The following RAB27A variants were observed in gnomAD, a reference collection of about 807,000 sequenced individuals.
RAB27A encodes the protein ras-related protein Rab-27A.
Under a neutral mutation model 20.8 loss-of-function variants are expected in RAB27A, and 17 were observed. That is an observed-to-expected ratio of 0.82 (90% confidence interval 0.56 to 1.23). The LOEUF is 1.23. Ranked by LOEUF, RAB27A falls within the 50% of genes most tolerant of loss-of-function variation. RAB27A has a pLI of 0.00. For synonymous variants in RAB27A, 85 were observed against 92.8 expected (o/e 0.92, Z 0.48); for missense variants, 277 against 266.7 (o/e 1.04, Z -0.27).
chr15:55,255,763 T>C (rs1897055449), intron 2 of RAB27A, among the ~76,000 whole-genome samples: 1 of 152,096 alleles, frequency 6.6e-6, no homozygotes, highest in Non-Finnish European at 1.5e-5. Context: ...TTCAAGAAGT[T>C]GGTAATTAGG....
At chr15:55,310,682 C>G (rs2055016458) in intron 2 of RAB27A, among the ~76,000 whole-genome samples, 1 of 152,146 alleles carries the variant, frequency 6.6e-6, no homozygotes, top group Non-Finnish European at 1.5e-5. Flanking sequence ...CCCATTCCAC[C>G]TGCTCCTCCT....
At chr15:55,315,407 C>T (rs2055038528) in intron 1 of RAB27A, among the ~76,000 whole-genome samples, 2 of 152,144 alleles carry the variant, frequency 1.3e-5, no homozygotes, top group Non-Finnish European at 2.9e-5. Flanking sequence ...CCAAAATCGA[C>T]AAATGGGATC....
intron 2 of RAB27A, among the ~76,000 whole-genome samples, chr15:55,296,315 G>A (rs1407516339): frequency 6.6e-6 from 1 of 151,642 alleles, no homozygotes; most frequent in African/African-American, 2.4e-5. Flanking sequence ...GGCCAACAGG[G>A]TGAAAACCCG....
chr15:55,295,506 T>G (rs1298664375), intron 2 of RAB27A, among the ~76,000 whole-genome samples: 2 of 152,216 alleles, frequency 1.3e-5, no homozygotes, highest in Non-Finnish European at 2.9e-5. Context: ...TGGGATTTTA[T>G]TCAGCCATAA....
intron 2 of RAB27A, among the ~76,000 whole-genome samples, chr15:55,301,889 A>G (rs1389745303): frequency 1.3e-5 from 2 of 151,734 alleles, no homozygotes; most frequent in African/African-American, 4.8e-5. Context: ...CATGTGATCC[A>G]CCCACCTCTG....
chr15:55,259,479 G>T (rs550157864), intron 2 of RAB27A, among the ~76,000 whole-genome samples: 5 of 150,874 alleles, frequency 3.3e-5, no homozygotes, highest in Non-Finnish European at 7.4e-5. Flanking sequence ...TAGAGATGGG[G>T]TCTCACTATG....
intron 1 of RAB27A, chr15:55,317,776 G>C (rs1046035595): frequency 7.5e-6 from 3 of 398,310 alleles, no homozygotes; most frequent in Non-Finnish European, 8.9e-6. Context: ...TTGTGCAAAA[G>C]TCAATCTCCT....
chr15:55,289,813 C>G lies in RAB27A; in HGVS notation c.-240G>C, dbSNP rs186555308. On this transcript the variant is annotated 5_prime_UTR_variant, in exon 1 of 7. Coordinates refer to ENST00000336787, the MANE Select transcript of RAB27A (RefSeq NM_183235.3). Reference sequence around the variant, plus strand: ...TTTTGGGTCGTTGGCGGGTATTTTCCGCCTGGCCCCACATCACTTCCCGTA... The same window carrying G: ...TTTTGGGTCGTTGGCGGGTATTTTCGGCCTGGCCCCACATCACTTCCCGTA... 5.2e-5 allele frequency: 8 copies of G among 152,502 alleles called. No homozygotes were observed. The highest frequency in any genetic ancestry group is 5.2e-4 in the Admixed American group (8 of 15,290). 9.4% of individuals were successfully genotyped at this position (152,502 alleles called of 1,614,324 possible).
Position 55,271,894 on chromosome 15 carries a change from C to G in RAB27A, c.-142-1610G>C, listed in dbSNP as rs891438553. On this transcript the variant is annotated intron_variant, in intron 1 of 6. Transcript: ENST00000336787. The stretch of plus-strand genomic sequence containing the variant: ...TGGGCAACTAAGAAAAGTCTGAGCA[C>G]AACCAGTCTGACATCTCTTCTCATG... 2.6e-5 allele frequency among the ~76,000 whole-genome samples: 4 copies of G among 152,168 alleles called. No homozygotes were observed. The East Asian group carries it at 7.7e-4, about 29-fold the overall frequency.
At chr15:55,264,945 G>C (rs1403411880) in intron 2 of RAB27A, among the ~76,000 whole-genome samples, 1 of 152,124 alleles carries the variant, frequency 6.6e-6, no homozygotes, top group East Asian at 1.9e-4. Flanking sequence ...AAAATGCATG[G>C]AAACAAGAAC....
At chr15:55,233,232 C>A (rs2140985802) in intron 3 of RAB27A, among the ~76,000 whole-genome samples, 1 of 152,042 alleles carries the variant, frequency 6.6e-6, no homozygotes, top group Non-Finnish European at 1.5e-5. Context: ...AATAATGGCA[C>A]AAAAATATGG....
intron 6 of RAB27A, among the ~76,000 whole-genome samples, chr15:55,210,850 C>T (rs138122029): frequency 3.3e-5 from 5 of 152,048 alleles, no homozygotes; most frequent in Non-Finnish European, 7.4e-5. Flanking sequence ...AGACGAATGA[C>T]CTGGAGTGTT....
chr15:55,225,311 T>C (rs1895754154), intron 5 of RAB27A, among the ~76,000 whole-genome samples: 2 of 152,236 alleles, frequency 1.3e-5, no homozygotes, highest in African/African-American at 4.8e-5. Context: ...ACTAGCTGTG[T>C]GACCCTGATG....
chr15:55,241,599 T>TA (rs1491308901), intron 2 of RAB27A, among the ~76,000 whole-genome samples: 50 of 92,652 alleles, frequency 5.4e-4, no homozygotes, highest in African/African-American at 2.9e-3. Context: ...GCAAGACCTA[T>TA]TTATATATAT....
chr15:55,220,486 G>A lies in RAB27A; in HGVS notation c.467+3403C>T, dbSNP rs955206730. Among the ~76,000 whole-genome samples, 6 of 152,102 alleles carry A rather than the reference G, an allele frequency of 3.9e-5. No homozygotes were observed. In the South Asian group the frequency reaches 6.2e-4, roughly 16 times the overall value. ...GGGTTTCACCATGTTGGCCAGGCTG[G>A]TCTAGAACTCCTGACCTCCGGTGAT... is the stretch of plus-strand genomic sequence containing the variant. On this transcript the variant is annotated intron_variant, in intron 6 of 6. Transcript: ENST00000336787.
intron 4 of RAB27A, 97 bp downstream of exon 4, chr15:55,230,304 G>T: frequency 7.5e-6 from 9 of 1,201,900 alleles, no homozygotes; most frequent in South Asian, 1.2e-5. Context: ...GCAAACCAAC[G>T]AATTGGCTGG....
At chr15:55,236,690 G>A (rs891344435) in intron 2 of RAB27A, among the ~76,000 whole-genome samples, 2 of 152,204 alleles carry the variant, frequency 1.3e-5, no homozygotes, top group Non-Finnish European at 2.9e-5. Context: ...TCTCTCTCCA[G>A]GGGAGGTTTA....
At chr15:55,241,187 C>G (rs1422940087) in intron 2 of RAB27A, among the ~76,000 whole-genome samples, 1 of 152,144 alleles carries the variant, frequency 6.6e-6, no homozygotes. Context: ...AAATAAGGAT[C>G]TGCTAAGAGT....
chr15:55,288,371 A>C (rs1898213094), intron 1 of RAB27A, among the ~76,000 whole-genome samples: 1 of 152,088 alleles, frequency 6.6e-6, no homozygotes. Flanking sequence ...AAATACAAAA[A>C]TTAGCCAAGC....
Sources: allele counts gnomAD v4.1 joint callset (sites outside exome capture counted in the v4.1 genomes callset), GRCh38; gene constraint gnomAD v4.1.1; transcripts MANE v1.5; gene names NCBI Gene and HGNC (gene_info 2026-07-23, HGNC 2026-07-21).